The following NIBAN1 variants were observed in gnomAD, a reference collection of about 807,000 sequenced individuals.
The protein encoded by NIBAN1 is protein Niban 1.
NIBAN1 carries 81 observed loss-of-function variants against 75.1 expected under a neutral mutation model. The ratio of observed to expected loss-of-function variants is 1.08; its 90% CI spans 0.90 to 1.30. The LOEUF is 1.30. Among genes scored for constraint, NIBAN1 ranks in the 50% most tolerant of loss-of-function variants. The pLI is 0.00. For missense variants in NIBAN1, 1,133 were observed against 1,128.1 expected (o/e 1.00, Z -0.06); for synonymous variants, 436 against 424.8 (o/e 1.03, Z -0.32).
intron 9 of NIBAN1, among the ~76,000 whole-genome samples, chr1:184,814,003 A>G (rs1654457303): frequency 6.6e-6 from 1 of 152,252 alleles, no homozygotes. Flanking sequence ...CATGCAAGGT[A>G]TGTAAGGAGA....
At chr1:184,924,870 T>C (rs962747078) in intron 1 of NIBAN1, among the ~76,000 whole-genome samples, 4 of 152,174 alleles carry the variant, frequency 2.6e-5, no homozygotes, top group African/African-American at 9.6e-5. Flanking sequence ...CAGCATTGGT[T>C]GTAATGTTTC....
intron 5 of NIBAN1, among the ~76,000 whole-genome samples, chr1:184,881,370 C>G (rs969380050): frequency 5.9e-5 from 9 of 152,094 alleles, no homozygotes; most frequent in African/African-American, 2.2e-4. Context: ...GAAAATGTAG[C>G]CAAATTCAGA....
chr1:184,800,701 G>A (rs7526101), intron 12 of NIBAN1, among the ~76,000 whole-genome samples: 13,052 of 152,148 alleles, frequency 0.086, 1,789 homozygotes, highest in African/African-American at 0.29. Context: ...CTATATCTAC[G>A]CCATATAATA....
intron 1 of NIBAN1, among the ~76,000 whole-genome samples, chr1:184,944,690 A>C (rs1571594190): frequency 2.0e-5 from 3 of 152,366 alleles, no homozygotes; most frequent in African/African-American, 7.2e-5. Context: ...AAAGGTCTGC[A>C]GTAATGTCAT....
At chr1:184,864,759 G>A (rs1019146642) in intron 5 of NIBAN1, among the ~76,000 whole-genome samples, 5 of 151,298 alleles carry the variant, frequency 3.3e-5, no homozygotes, top group African/African-American at 7.3e-5. Context: ...ACAAATAATC[G>A]CATTAAAAAT....
At chr1:184,824,851 T>C (rs1037669974) in intron 6 of NIBAN1, among the ~76,000 whole-genome samples, 9 of 152,234 alleles carry the variant, frequency 5.9e-5, no homozygotes, top group African/African-American at 1.9e-4. Context: ...AAACACCTTT[T>C]CTTCCAGTTT....
At chr1:184,825,510 T>C (rs12132983) in intron 6 of NIBAN1, among the ~76,000 whole-genome samples, 2,298 of 152,260 alleles carry the variant, frequency 0.015, 28 homozygotes, top group Non-Finnish European at 0.024. Flanking sequence ...AGATAATTAA[T>C]GGGACTGAAA....
At chr1:184,945,998 T>TAAAA (rs112599159) in intron 1 of NIBAN1, among the ~76,000 whole-genome samples, 1 of 145,780 alleles carries the variant, frequency 6.9e-6, no homozygotes, top group African/African-American at 2.5e-5. Flanking sequence ...GCGCTGGGAT[T>TAAAA]AAAAAAAAAA....
intron 1 of NIBAN1, among the ~76,000 whole-genome samples, chr1:184,971,253 C>G (rs1251221254): frequency 6.6e-6 from 1 of 151,558 alleles, no homozygotes; most frequent in South Asian, 2.1e-4. Flanking sequence ...ACTCAGCCTG[C>G]GTAACAGAGT....
chr1:184,817,660 A>G (rs1017508159), intron 9 of NIBAN1, among the ~76,000 whole-genome samples: 3 of 152,226 alleles, frequency 2.0e-5, no homozygotes, highest in Non-Finnish European at 4.4e-5. Flanking sequence ...TGTTGGCTAC[A>G]TAAATGTCTT....
intron 5 of NIBAN1, among the ~76,000 whole-genome samples, chr1:184,855,456 T>C (rs893159209): frequency 6.7e-6 from 1 of 150,136 alleles, no homozygotes; most frequent in East Asian, 2.0e-4. Context: ...CCCATACTTA[T>C]TTTTTTTTTA....
rs199702370 is a variant in NIBAN1 at position 184,795,797 on chromosome 1, A to C, written c.1967T>G (p.Ile656Ser). The stretch of plus-strand genomic sequence containing the variant: ...CACGGGGTCATCCACTCTTGAAATA[A>C]TCACCTGCTCAGTCCCATCTGGGGG... ...SPPPDGTEQV[I>S]ISRVDDPVVN... The change falls in exon 14 of 14, where the codon ATT (isoleucine) becomes AGT (serine). Residue 656 changes from isoleucine (I) to serine (S), a missense_variant. By Grantham distance (142) the Ile-to-Ser change is moderately radical (BLOSUM62 -2). Transcript: ENST00000367511. 2.5e-6 allele frequency: 4 copies of C among 1,610,976 alleles called. No homozygotes were observed. Among genetic ancestry groups the C allele is most frequent in the East Asian group, 4.5e-5 (2 of 44,828 alleles).
intron 1 of NIBAN1, among the ~76,000 whole-genome samples, chr1:184,938,816 A>G: frequency 6.6e-6 from 1 of 152,348 alleles, no homozygotes; most frequent in South Asian, 2.1e-4. Context: ...ATTCTCACTG[A>G]CATTTAGTAA....
intron 1 of NIBAN1, among the ~76,000 whole-genome samples, chr1:184,940,437 A>G (rs1363736462): frequency 6.6e-6 from 1 of 152,248 alleles, no homozygotes; most frequent in Non-Finnish European, 1.5e-5. Context: ...CTCAAATTGT[A>G]TAATACCACA....
intron 4 of NIBAN1, among the ~76,000 whole-genome samples, chr1:184,886,393 C>T (rs1656526153): frequency 6.6e-6 from 1 of 152,188 alleles, no homozygotes; most frequent in African/African-American, 2.4e-5. Context: ...TCTTCCATAG[C>T]TTTGTATCCT....
chr1:184,903,503 C>A (rs1371356835), intron 1 of NIBAN1, among the ~76,000 whole-genome samples: 1 of 152,110 alleles, frequency 6.6e-6, no homozygotes, highest in South Asian at 2.1e-4. Context: ...TTAGTGCCAT[C>A]CCCTTGGGAT....
At position 184,808,197 on chromosome 1, in the gene NIBAN1, C is replaced by G; in HGVS notation, c.1212G>C (p.Val404=). ...DRLMNLPLHS[V]KMEPCYTKVN... ...CTTTAGTATAACAAGGTTCCATCTT[C>G]ACGGAATGCAGCGGAAGATTCATAA... The change falls in exon 10 of 14, where the codon GTG becomes GTC. Residue 404 remains valine, a synonymous_variant. Transcript: ENST00000367511. 1.2e-6 allele frequency: 2 copies of G among 1,614,126 alleles called. No individual in the cohort carries two copies.
chr1:184,897,478 C>G (rs537485648), intron 2 of NIBAN1, among the ~76,000 whole-genome samples: 1 of 152,244 alleles, frequency 6.6e-6, no homozygotes, highest in East Asian at 1.9e-4. Context: ...TTTCTGATCT[C>G]CAAATGCTGA....
chr1:184,959,873 A>G (rs1272685633), intron 1 of NIBAN1, among the ~76,000 whole-genome samples: 1 of 152,236 alleles, frequency 6.6e-6, no homozygotes, highest in Non-Finnish European at 1.5e-5. Context: ...CTTTGGCCCT[A>G]TAAATCAGAG....
Sources: allele counts gnomAD v4.1 joint callset (sites outside exome capture counted in the v4.1 genomes callset), GRCh38; gene constraint gnomAD v4.1.1; transcripts MANE v1.5; gene names NCBI Gene and HGNC (gene_info 2026-07-23, HGNC 2026-07-21).